Variants in SREK1 observed in about 807,000 individuals in gnomAD.
The protein encoded by SREK1 is splicing regulatory glutamine/lysine-rich protein 1.
SREK1 carries 13 observed loss-of-function variants against 66.5 expected under a neutral mutation model. The ratio of observed to expected loss-of-function variants is 0.20; its 90% CI spans 0.13 to 0.31. SREK1 has a LOEUF of 0.31. Ranked by LOEUF, SREK1 falls within the 10% of genes least tolerant of loss-of-function variation. SREK1 has a pLI of 1.00. For missense variants in SREK1, 607 were observed against 769.6 expected, an observed-to-expected ratio of 0.79 and a Z score of 2.50; for synonymous variants, 265 against 263.5, an observed-to-expected ratio of 1.01 and a Z score of -0.05.
intron 7 of SREK1, chr5:66,167,754 T>A (rs1460474088): frequency 1.3e-5 from 2 of 152,246 alleles, no homozygotes; most frequent in South Asian, 2.1e-4. Flanking sequence ...ACTTAATTTT[T>A]AAAAATAAGT....
At position 66,177,608 on chromosome 5, in the gene SREK1, A is replaced by G. The variant is rs1472293792; in HGVS notation, c.1675A>G (p.Asn559Asp). ...ERSTSMRKSS[N>D]DRDGKEKLEK... ...TTCAACGTCTATGAGAAAGAGTTCTAATGATAGAGATGGGAAGGAGAAGTT... is the reference window on the plus strand; with the variant it reads ...TTCAACGTCTATGAGAAAGAGTTCTGATGATAGAGATGGGAAGGAGAAGTT... Residue 559 changes from asparagine (N) to aspartate (D), a missense_variant, in exon 11 of 12, where the codon AAT becomes GAT. This residue lies in a region of SREK1 where 318 missense variants were observed against 310.3 expected (regional missense o/e 1.02). Transcript: ENST00000334121. 5.6e-6 allele frequency: 9 copies of G among 1,611,166 alleles called. No individual in the cohort carries two copies. The highest frequency in any genetic ancestry group is 7.6e-6 in the Non-Finnish European group (9 of 1,178,490).
intron 2 of SREK1, chr5:66,158,660 G>A: frequency 5.7e-6 from 3 of 529,936 alleles, no homozygotes; most frequent in Non-Finnish European, 8.8e-6. Flanking sequence ...TCAGTAACAG[G>A]ATAGGGGCAC....
chr5:66,179,087 A>C lies in SREK1; in HGVS notation c.*219A>C. ...CAGATGTTACCCAAACTCATCTTCT[A>C]AAATCTGTGCATTTCCATGGTGGCT... is the stretch of plus-strand genomic sequence containing the variant. On this transcript the variant is annotated 3_prime_UTR_variant, in exon 12 of 12. Coordinates refer to ENST00000334121, the MANE Select transcript of SREK1 (RefSeq NM_001077199.3). The C allele has an allele frequency of 2.6e-6, 1 of 382,270 alleles. No homozygotes were observed. The allele number at this position is 382,270 out of a possible 1,614,324, so 23.7% of individuals were successfully genotyped here. A position where few individuals can be genotyped will look rare whatever the true frequency, so the allele number is the denominator to read the frequency against.
intron 1 of SREK1, among the ~76,000 whole-genome samples, chr5:66,151,914 C>T (rs1220449065): frequency 3.0e-5 from 4 of 135,376 alleles, no homozygotes; most frequent in African/African-American, 5.5e-5. Context: ...GGCGCAATCT[C>T]GGCTCACTGC....
At chr5:66,161,682 G>A (rs575903286) in intron 3 of SREK1, among the ~76,000 whole-genome samples, 1 of 152,138 alleles carries the variant, frequency 6.6e-6, no homozygotes, top group African/African-American at 2.4e-5. Flanking sequence ...AACAGCTAAG[G>A]TGTCTTTAAA....
In SREK1 at chr5:66,162,165, C is replaced by T; in HGVS notation, c.468C>T (p.Asn156=). The change falls in exon 4 of 12, where the codon AAC becomes AAT. Residue 156 remains asparagine (N), a synonymous_variant. Transcript: ENST00000334121. ...TACCAGCAGCAGCACTAGACCCCAA[C>T]ATTGCAACACTTGGAGAGATACCAC... is the stretch of plus-strand genomic sequence containing the variant. The part of the protein sequence containing the change: ...GAIPAAALDP[N]IATLGEIPQP... 1 of 1,614,050 alleles carries T rather than the reference C, an allele frequency of 6.2e-7. No individual in the cohort carries two copies. The highest frequency in any genetic ancestry group is 8.5e-7 in the Non-Finnish European group (1 of 1,179,960).
chr5:66,144,902 A>G (rs1743024377), intron 1 of SREK1: 1 of 1,002,374 alleles, frequency 1.0e-6, no homozygotes, highest in Non-Finnish European at 1.2e-6. Context: ...AACGTCTCAG[A>G]GCGTTTTTCC....
At chr5:66,173,683 C>A (rs1745834403) in intron 9 of SREK1, among the ~76,000 whole-genome samples, 1 of 152,088 alleles carries the variant, frequency 6.6e-6, no homozygotes, top group Non-Finnish European at 1.5e-5. Context: ...GCTTTCTGAA[C>A]AAATAAGTAA....
intron 5 of SREK1, 36 bp from the exon 6 acceptor site, chr5:66,163,756 G>T (rs761319606): frequency 1.3e-6 from 2 of 1,582,136 alleles, no homozygotes; most frequent in South Asian, 1.1e-5. Context: ...ATAAAATGTG[G>T]TGTGTATTTG....
chr5:66,155,304 A>G (rs771178882), intron 2 of SREK1, among the ~76,000 whole-genome samples: 3 of 152,314 alleles, frequency 2.0e-5, no homozygotes, highest in South Asian at 2.1e-4. Flanking sequence ...TTTTATTGCA[A>G]TTTAGTTATA....
Position 66,170,158 on chromosome 5 carries a change from G to C in SREK1, c.1109G>C (p.Arg370Pro). The change falls in exon 8 of 12, where the codon CGT becomes CCT. Residue 370 changes from arginine to proline, a missense_variant. Coordinates refer to ENST00000334121, the MANE Select transcript of SREK1 (RefSeq NM_001077199.3). Reference sequence around the variant, plus strand: ...AGGGAGAGACGGAAGTCAAGGAGTCGTTCGCATTCACGGTGAGTTTTAGAG... The same window carrying C: ...AGGGAGAGACGGAAGTCAAGGAGTCCTTCGCATTCACGGTGAGTTTTAGAG... Reference protein sequence around the residue: ...KSRERRKSRSRSHSRDKRKDT... With the variant: ...KSRERRKSRSPSHSRDKRKDT... 1.2e-6 allele frequency: 2 copies of C among 1,611,186 alleles called. No homozygotes were observed. The highest frequency in any genetic ancestry group is 8.5e-7 in the Non-Finnish European group (1 of 1,178,842).
chr5:66,170,478 T>C (rs1745539657), intron 8 of SREK1, 107 bp from the exon 9 acceptor site: 11 of 1,338,108 alleles, frequency 8.2e-6, no homozygotes, highest in Non-Finnish European at 1.1e-5. Context: ...TAAATGTCTG[T>C]AGGTACTATA....
chr5:66,174,717 A>G, intron 9 of SREK1: 1 of 341,806 alleles, frequency 2.9e-6, no homozygotes, highest in Admixed American at 4.6e-5. Context: ...TACTCTTCCT[A>G]ATATGAAGTC....
intron 10 of SREK1, among the ~76,000 whole-genome samples, chr5:66,176,581 G>A (rs1202180253): frequency 6.6e-6 from 1 of 152,130 alleles, no homozygotes; most frequent in Non-Finnish European, 1.5e-5. Context: ...CAGGAATATG[G>A]TGTATCTGAT....
Position 66,179,048 on chromosome 5 carries a change from C to A in SREK1, c.*180C>A. The stretch of plus-strand genomic sequence containing the variant: ...ATTGAGTAAGAAAATAAAGCATGGA[C>A]ATCATGAAAATAACAGATGTTACCC... On this transcript the variant is annotated 3_prime_UTR_variant, in exon 12 of 12. Coordinates refer to ENST00000334121, the MANE Select transcript of SREK1 (RefSeq NM_001077199.3). 1.8e-6 allele frequency: 1 copy of A among 569,118 alleles called. No homozygotes were observed. The highest frequency in any genetic ancestry group is 2.7e-6 in the Non-Finnish European group (1 of 365,894). The allele number at this position is 569,118 out of a possible 1,614,324, so 35.3% of individuals were successfully genotyped here.
intron 1 of SREK1, chr5:66,145,304 G>A (rs1743079144): frequency 1.3e-5 from 5 of 385,020 alleles, no homozygotes; most frequent in African/African-American, 4.4e-5. Flanking sequence ...TCCCTCGTAC[G>A]ATATTATTTA....
chr5:66,176,908 G>C (rs1200113102), intron 10 of SREK1, among the ~76,000 whole-genome samples: 1 of 151,922 alleles, frequency 6.6e-6, no homozygotes, highest in African/African-American at 2.4e-5. Flanking sequence ...GGGGTCTTTT[G>C]TTTATTTGCT....
chr5:66,156,953 G>A (rs570076627), intron 2 of SREK1: 824 of 985,080 alleles, frequency 8.4e-4, no homozygotes, highest in Non-Finnish European at 9.1e-4. Context: ...AGTATAGTTT[G>A]GGAAAAATGC....
intron 3 of SREK1, among the ~76,000 whole-genome samples, chr5:66,159,634 G>T (rs889786971): frequency 1.3e-5 from 2 of 152,008 alleles, no homozygotes; most frequent in Non-Finnish European, 1.5e-5. Context: ...CTAGGTAACT[G>T]TATTTCTCAG....
Sources: gnomAD v4.1 joint callset for allele counts (sites outside exome capture counted in the v4.1 genomes callset) on GRCh38, gnomAD v4.1.1 for gene constraint, gnomAD v4.1.1 regional missense constraint, MANE v1.5 for transcripts, NCBI Gene and HGNC (gene_info 2026-07-23, HGNC 2026-07-21) for gene names.